The following USP10 variants were observed in gnomAD, a reference collection of about 807,000 sequenced individuals.
USP10 encodes the protein ubiquitin carboxyl-terminal hydrolase 10.
A neutral mutation model predicts 84.5 loss-of-function variants in USP10; 22 were observed. That is an observed-to-expected ratio of 0.26 (90% CI 0.19 to 0.37). USP10 has a LOEUF of 0.37. Ranked by LOEUF, USP10 falls within the 10% of genes least tolerant of loss-of-function variation. The probability of loss-of-function intolerance (pLI) is 1.00; values close to 1 mark genes in which losing one functional copy is unlikely to be tolerated. For synonymous variants in USP10, 454 were observed against 387.6 expected (o/e 1.17, Z -2.01); for missense variants, 1,019 against 998.9 (o/e 1.02, Z -0.27).
intron 10 of USP10, among the ~76,000 whole-genome samples, chr16:84,764,900 T>C (rs894878187): frequency 1.4e-5 from 2 of 138,064 alleles, no homozygotes; most frequent in African/African-American, 2.7e-5. Context: ...TTTCATAAGA[T>C]AGGTCATAAA....
intron 3 of USP10, among the ~76,000 whole-genome samples, chr16:84,740,814 C>A (rs971218535): frequency 1.3e-5 from 2 of 152,246 alleles, no homozygotes; most frequent in East Asian, 3.8e-4. Flanking sequence ...TGGTCTGTCG[C>A]TGACTCTTGG....
At chr16:84,757,478 AT>A (rs1912721598) in intron 4 of USP10, among the ~76,000 whole-genome samples, 1 of 147,262 alleles carries the variant, frequency 6.8e-6, no homozygotes, top group African/African-American at 2.5e-5. Flanking sequence ...TTTTCATTTG[AT>A]TAGTGCCGAA....
At chr16:84,764,931 G>GAGAGAGAAAA (rs11373757) in intron 10 of USP10, among the ~76,000 whole-genome samples, 1 of 39,256 alleles carries the variant, frequency 2.5e-5, no homozygotes, top group Non-Finnish European at 5.2e-5. Context: ...GAGAGAGAGA[G>GAGAGAGAAAA]AAAAAAAAAT....
intron 12 of USP10, 22 bp downstream of exon 12, chr16:84,772,707 G>C (rs763960593): frequency 1.2e-6 from 2 of 1,612,834 alleles, no homozygotes; most frequent in South Asian, 1.1e-5. Context: ...ATAAGGTCGG[G>C]AGTGTTCGTG....
rs1473826501 is a variant in USP10 at position 84,719,422 on chromosome 16, A to G, written c.22-14013A>G. 5.9e-5 allele frequency among the ~76,000 whole-genome samples: 9 copies of G among 152,300 alleles called. No individual in the cohort carries two copies. In the East Asian group the frequency reaches 1.3e-3, roughly 23 times the overall value. On this transcript the variant is annotated intron_variant, in intron 1 of 13. Transcript: ENST00000219473. ...CTCCAACTGTAAGTCAGAATCACACAGGAAGTGTTTAAAATGCTAAATGAG... is the reference window on the plus strand; with the variant it reads ...CTCCAACTGTAAGTCAGAATCACACGGGAAGTGTTTAAAATGCTAAATGAG...
chr16:84,709,074 C>G (rs981231170), intron 1 of USP10: 4 of 152,196 alleles, frequency 2.6e-5, no homozygotes, highest in Non-Finnish European at 5.9e-5. Context: ...AAATAGTTAC[C>G]GAGTGGCTGC....
chr16:84,721,054 T>C (rs1907742434), intron 1 of USP10, among the ~76,000 whole-genome samples: 3 of 151,874 alleles, frequency 2.0e-5, no homozygotes, highest in Admixed American at 1.3e-4. Context: ...CCACCATGCC[T>C]GACTAATTTT....
intron 9 of USP10, 80 bp from the exon 10 acceptor site, chr16:84,764,004 CTG>C: frequency 6.9e-7 from 1 of 1,456,488 alleles, no homozygotes; most frequent in Non-Finnish European, 9.1e-7. Flanking sequence ...ATTTTTAAAA[CTG>C]CAATCGACAG....
chr16:84,714,316 ACTT>A (rs1014949560), intron 1 of USP10, among the ~76,000 whole-genome samples: 2 of 152,070 alleles, frequency 1.3e-5, no homozygotes, highest in East Asian at 3.9e-4. Context: ...TGTTTTTCCC[ACTT>A]CTTCCTCTTT....
chr16:84,733,564 A>AT (rs1909517394), intron 2 of USP10, 61 bp downstream of exon 2: 2 of 1,235,582 alleles, frequency 1.6e-6, no homozygotes, highest in Admixed American at 4.9e-5. Context: ...TTATGTTTCT[A>AT]TTTTAATTTG....
chr16:84,721,634 C>T (rs1907825722), intron 1 of USP10, among the ~76,000 whole-genome samples: 1 of 151,922 alleles, frequency 6.6e-6, no homozygotes, highest in African/African-American at 2.4e-5. Flanking sequence ...TTCAAGCCAT[C>T]CTCCTGCCTC....
chr16:84,745,405 A>C lies in USP10; in HGVS notation c.924A>C (p.Glu308Asp). The change falls in exon 4 of 14, where the codon GAA becomes GAC. Residue 308 changes from glutamate to aspartate, a missense_variant. Physicochemically the swap from Glu to Asp is conservative, Grantham distance 45 (BLOSUM62 2). Transcript: ENST00000219473. The stretch of plus-strand genomic sequence containing the variant: ...ACGGGGTGGAGTTGCACACCACGGA[A>C]AGCATAGACTTGGACCCAACCAAAC... ...ATNGVELHTT[E>D]SIDLDPTKPE... 1 of 1,613,702 alleles carries C rather than the reference A, an allele frequency of 6.2e-7. No homozygotes were observed. Among genetic ancestry groups the C allele is most frequent in the Non-Finnish European group, 8.5e-7 (1 of 1,179,718 alleles).
intron 4 of USP10, among the ~76,000 whole-genome samples, chr16:84,752,840 G>T (rs1288108608): frequency 6.6e-6 from 1 of 152,176 alleles, no homozygotes. Flanking sequence ...CGTGTGAGAT[G>T]TTACAAAAGT....
At chr16:84,726,272 C>G (rs1908464691) in intron 1 of USP10, among the ~76,000 whole-genome samples, 1 of 152,238 alleles carries the variant, frequency 6.6e-6, no homozygotes, top group Non-Finnish European at 1.5e-5. Flanking sequence ...AGTGGCGTTT[C>G]CCGCAGTTCC....
intron 11 of USP10, among the ~76,000 whole-genome samples, chr16:84,770,340 A>C (rs1474969170): frequency 6.6e-6 from 1 of 152,178 alleles, no homozygotes; most frequent in Non-Finnish European, 1.5e-5. Flanking sequence ...TTAAGTTTTT[A>C]AAATGCCACC....
Position 84,763,089 on chromosome 16 carries a change from G to A in USP10, c.1654+1G>A. ...AAGCTTCTCTCACCAAGTAATGAAA[G>A]TAGGTTATGGTCCACTTGCCGCAGA... On this transcript the variant is annotated splice_donor_variant, in intron 9 of 13. Transcript: ENST00000219473. LOFTEE classifies it high-confidence loss of function. The A allele has an allele frequency of 6.2e-7, 1 of 1,602,126 alleles. No individual in the cohort carries two copies.
chr16:84,778,621 G>A (rs1050874444), intron 13 of USP10, among the ~76,000 whole-genome samples: 3 of 152,070 alleles, frequency 2.0e-5, no homozygotes, highest in Non-Finnish European at 4.4e-5. Context: ...GTGAGGCGTG[G>A]GACATTTTAA....
rs1035802272 is a variant in USP10 at position 84,700,559 on chromosome 16, G to T, written c.21+448G>T. Among the ~76,000 whole-genome samples, 100 of 152,222 alleles carry T rather than the reference G, an allele frequency of 6.6e-4. 1 individual carries two copies. The highest frequency in any genetic ancestry group is 5.9e-5 in the Non-Finnish European group (4 of 67,994). On this transcript the variant is annotated intron_variant, in intron 1 of 13. Coordinates refer to ENST00000219473, the MANE Select transcript of USP10 (RefSeq NM_005153.3). Reference sequence around the variant, plus strand: ...CTGGAGCGAGCCTCAGAGATTTGGGGGTGCCCTGTTGCCCCTTTGCCCCAA... The same window carrying T: ...CTGGAGCGAGCCTCAGAGATTTGGGTGTGCCCTGTTGCCCCTTTGCCCCAA...
chr16:84,737,284 T>C (rs371486208), intron 2 of USP10, among the ~76,000 whole-genome samples: 4 of 152,274 alleles, frequency 2.6e-5, no homozygotes, highest in Admixed American at 6.5e-5. Flanking sequence ...TATTAATAGA[T>C]GACAGTTTTT....
Sources: gnomAD v4.1 joint callset for allele counts (sites outside exome capture counted in the v4.1 genomes callset) on GRCh38, gnomAD v4.1.1 for gene constraint, MANE v1.5 for transcripts, NCBI Gene and HGNC (gene_info 2026-07-23, HGNC 2026-07-21) for gene names.